SEC24A: variants seen among roughly 807,000 people sequenced by gnomAD.
SEC24A encodes SEC24 homolog A, COPII component.
A neutral mutation model predicts 129.4 loss-of-function variants in SEC24A; 93 were observed. The observed-to-expected ratio is 0.72, with a 90% CI of 0.61 to 0.85. The LOEUF is 0.85. Ranked by LOEUF, SEC24A falls within the 40% of genes least tolerant of loss-of-function variation. The pLI, the probability that SEC24A is intolerant of heterozygous loss-of-function variation, is 0.00. For synonymous variants in SEC24A, 460 were observed against 467.3 expected, an observed-to-expected ratio of 0.98 and a Z score of 0.20; for missense variants, 1,264 against 1,307.4, an observed-to-expected ratio of 0.97 and a Z score of 0.51.
At chr5:134,677,761 C>T (rs554529029) in intron 7 of SEC24A, among the ~76,000 whole-genome samples, 8 of 150,604 alleles carry the variant, frequency 5.3e-5, no homozygotes, top group East Asian at 2.0e-4. Context: ...CGCTTGAACC[C>T]GGGAGGTGGA....
intron 1 of SEC24A, among the ~76,000 whole-genome samples, chr5:134,660,794 C>A (rs370469367): frequency 4.6e-5 from 7 of 152,040 alleles, no homozygotes; most frequent in African/African-American, 1.7e-4. Context: ...TGGGCTCAAG[C>A]TATCCACCTG....
intron 1 of SEC24A, among the ~76,000 whole-genome samples, chr5:134,655,555 CTCCTGAGTGATTCTCAGCA>C (rs1262723482): frequency 7.2e-6 from 1 of 137,978 alleles, no homozygotes; most frequent in African/African-American, 2.5e-5. Context: ...AGGCCTCAGC[CTCCTGAGTGATTCTCAGCA>C]GGAGAATCAC....
Position 134,708,699 on chromosome 5 carries a change from C to G in SEC24A, c.2552-14C>G, listed in dbSNP as rs746862517. 2.2e-5 allele frequency: 35 copies of G among 1,603,850 alleles called. No individual in the cohort carries two copies. The South Asian group carries it at 3.4e-4, about 15-fold the overall frequency. ...ATCATATTTCTTTTTTGTCCTTACC[C>G]TCACCTTGCTTAGCTGTTGACAGAT... is the stretch of plus-strand genomic sequence containing the variant. On this transcript the variant is annotated splice_polypyrimidine_tract_variant and intron_variant, in intron 17 of 22. Transcript: ENST00000398844.
chr5:134,718,209 A>T (rs755855532), intron 20 of SEC24A, 36 bp downstream of exon 20: 12 of 1,382,996 alleles, frequency 8.7e-6, no homozygotes, highest in African/African-American at 1.4e-5. Flanking sequence ...CTCACTGCAA[A>T]CTACTATACT....
intron 10 of SEC24A, among the ~76,000 whole-genome samples, 153 bp from the exon 11 acceptor site, chr5:134,688,028 A>G (rs1275826969): frequency 1.3e-5 from 2 of 152,140 alleles, no homozygotes; most frequent in East Asian, 3.8e-4. Flanking sequence ...ATATGTTTTC[A>G]TGGTAAACGT....
In SEC24A at chr5:134,726,013, G is replaced by GT. The variant is rs1374190095; in HGVS notation, c.*920dup. 6.6e-6 allele frequency: 1 copy of GT among 152,388 alleles called. No homozygotes were observed. 9.4% of individuals were successfully genotyped at this position (152,388 alleles called of 1,614,324 possible). A position where few individuals can be genotyped will look rare whatever the true frequency, so the allele number is the denominator to read the frequency against. ...TCTAAAGTGCTATCCAAATACATCA[G>GT]TAACATTTTTCTAAGGAGTTTAATT... On this transcript the variant is annotated 3_prime_UTR_variant, in exon 23 of 23. Transcript: ENST00000398844.
intron 13 of SEC24A, among the ~76,000 whole-genome samples, chr5:134,694,455 C>T (rs1368441236): frequency 1.3e-5 from 2 of 151,606 alleles, no homozygotes; most frequent in African/African-American, 4.8e-5. Context: ...GTCAGGAGAT[C>T]GAGACCACGG....
chr5:134,709,577 A>T (rs934317523), intron 18 of SEC24A, among the ~76,000 whole-genome samples: 1 of 152,206 alleles, frequency 6.6e-6, no homozygotes, highest in Non-Finnish European at 1.5e-5. Context: ...AACACACGGA[A>T]GCAGAAAGCA....
chr5:134,658,453 G>GT (rs1750326071), intron 1 of SEC24A, among the ~76,000 whole-genome samples: 1 of 152,122 alleles, frequency 6.6e-6, no homozygotes, highest in African/African-American at 2.4e-5. Context: ...GTAGCCCAGG[G>GT]TGGAATGCCT....
chr5:134,663,881 G>A (rs770349551), intron 2 of SEC24A, among the ~76,000 whole-genome samples: 4 of 152,138 alleles, frequency 2.6e-5, no homozygotes, highest in Admixed American at 6.6e-5. Flanking sequence ...AGGCTGAGTC[G>A]GGTGGATCAC....
At chr5:134,701,214 C>G (rs1371767487) in intron 15 of SEC24A, 1 of 152,270 alleles carries the variant, frequency 6.6e-6, no homozygotes, top group Non-Finnish European at 1.5e-5. Flanking sequence ...CATCCTTGCA[C>G]TGGGGCCATG....
rs1309519922 is a variant in SEC24A at position 134,674,675 on chromosome 5, C to A, written c.878C>A (p.Pro293His). Residue 293 changes from proline (P) to histidine (H), a missense_variant, in exon 5 of 23, where the codon CCC (proline) becomes CAC (histidine). Transcript: ENST00000398844. ...KMSRSVGYSY[P>H]SLPPGYQNTT... ...AGCCGAAGTGTTGGATATTCATATC[C>A]CTCCTTACCACCTGGTTATCAGAAC... 4 of 1,613,744 alleles carry A rather than the reference C, an allele frequency of 2.5e-6. No individual in the cohort carries two copies. Among genetic ancestry groups the A allele is most frequent in the Non-Finnish European group, 3.4e-6 (4 of 1,179,860 alleles).
chr5:134,683,413 GTGA>G (rs2150089002), intron 9 of SEC24A, among the ~76,000 whole-genome samples: 1 of 152,036 alleles, frequency 6.6e-6, no homozygotes, highest in South Asian at 2.1e-4. Context: ...AAATAATGCT[GTGA>G]TGAAGATCCT....
intron 4 of SEC24A, 120 bp from the exon 5 acceptor site, chr5:134,674,495 C>T: frequency 1.2e-6 from 1 of 813,372 alleles, no homozygotes; most frequent in Admixed American, 2.8e-5. Context: ...TGTGATTGCA[C>T]CACTGCACTG....
At chr5:134,684,259 C>T (rs904685537) in intron 9 of SEC24A, among the ~76,000 whole-genome samples, 1 of 149,188 alleles carries the variant, frequency 6.7e-6, no homozygotes, top group East Asian at 2.0e-4. Context: ...GCCAAGGTTG[C>T]GCCACCACAC....
chr5:134,725,241 A>C lies in SEC24A; in HGVS notation c.*147A>C. On this transcript the variant is annotated 3_prime_UTR_variant, in exon 23 of 23. Transcript: ENST00000398844. ...ACTGTGATTTCAACAACCTATAGCA[A>C]ATAAAAGACCACAGCAGAGAATCAA... 1.8e-6 allele frequency: 1 copy of C among 554,150 alleles called. No homozygotes were observed. The highest frequency in any genetic ancestry group is 3.1e-5 in the East Asian group (1 of 32,082). 34.3% of individuals were successfully genotyped at this position (554,150 alleles called of 1,614,324 possible).
At chr5:134,649,238 T>C (rs914897357) in intron 1 of SEC24A, 65 bp downstream of exon 1, 4 of 1,196,610 alleles carry the variant, frequency 3.3e-6, no homozygotes, top group Non-Finnish European at 3.6e-6. Flanking sequence ...GTGCCACTGC[T>C]GCTTGAGGCG....
intron 1 of SEC24A, among the ~76,000 whole-genome samples, chr5:134,656,872 C>T (rs1561800269): frequency 6.6e-6 from 1 of 151,136 alleles, no homozygotes; most frequent in South Asian, 2.1e-4. Flanking sequence ...GCCTTGAACT[C>T]CTGGGCTCAA....
At chr5:134,699,578 C>A (rs1751939662) in intron 15 of SEC24A, among the ~76,000 whole-genome samples, 1 of 151,922 alleles carries the variant, frequency 6.6e-6, no homozygotes, top group African/African-American at 2.4e-5. Context: ...GGATTACAGG[C>A]ATGAGCTACC....
Sources: allele counts gnomAD v4.1 joint callset (sites outside exome capture counted in the v4.1 genomes callset), GRCh38; gene constraint gnomAD v4.1.1; transcripts MANE v1.5; gene names NCBI Gene and HGNC (gene_info 2026-07-23, HGNC 2026-07-21).